Variants in DEPDC5 observed in about 807,000 individuals in gnomAD.
The protein encoded by DEPDC5 is GATOR1 complex protein DEPDC5.
In DEPDC5, 73 loss-of-function variants were observed where a neutral mutation model predicts 217.3. The ratio of observed to expected loss-of-function variants is 0.34; its 90% CI spans 0.28 to 0.41. The LOEUF (loss-of-function observed/expected upper bound fraction) is 0.41. Ranked by LOEUF, DEPDC5 falls within the 10% of genes least tolerant of loss-of-function variation. The pLI is 1.00. For synonymous variants in DEPDC5, 733 were observed against 756.7 expected (o/e 0.97, Z 0.51); for missense variants, 1,675 against 2,070.1 (o/e 0.81, Z 3.70).
Position 31,783,989 on chromosome 22 carries a change from CTG to C in DEPDC5, c.562+8_562+9del, listed in dbSNP as rs754265066. On this transcript the variant is annotated splice_donor_5th_base_variant and intron_variant, in intron 9 of 42. Coordinates refer to ENST00000651528, the MANE Select transcript of DEPDC5 (RefSeq NM_001242896.3). ...ATGTGGGATTTTGATATTTATGGTACTGTGTCTATGTGCTGATTGTAACTGCT... is the reference window on the plus strand; with the variant it reads ...ATGTGGGATTTTGATATTTATGGTACTGTCTATGTGCTGATTGTAACTGCT... 2.5e-4 allele frequency: 408 copies of C among 1,612,902 alleles called. 2 individuals carry two copies. In the South Asian group the frequency reaches 4.3e-3, roughly 17 times the overall value.
intron 38 of DEPDC5, chr22:31,890,232 T>C (rs1432781907): frequency 2.0e-5 from 3 of 152,204 alleles, no homozygotes; most frequent in South Asian, 2.1e-4. Flanking sequence ...CAATGCTCTC[T>C]GAGACATATG....
chr22:31,867,034 G>T (rs536202518), intron 33 of DEPDC5, among the ~76,000 whole-genome samples: 3 of 152,142 alleles, frequency 2.0e-5, no homozygotes, highest in Admixed American at 6.5e-5. Flanking sequence ...TAAAGCGGAG[G>T]GGGGAGTATC....
intron 4 of DEPDC5, among the ~76,000 whole-genome samples, chr22:31,762,505 T>G (rs1601614332): frequency 6.6e-6 from 1 of 152,236 alleles, no homozygotes; most frequent in Non-Finnish European, 1.5e-5. Context: ...GGCTGACGCC[T>G]GTAATCCCAA....
At chr22:31,873,107 A>G (rs1204288272) in intron 34 of DEPDC5, 148 bp from the exon 35 acceptor site, 2 of 1,470,266 alleles carry the variant, frequency 1.4e-6, no homozygotes, top group Non-Finnish European at 1.8e-6. Flanking sequence ...ACCCCCTGAT[A>G]TAGCTGTTTG....
intron 38 of DEPDC5, among the ~76,000 whole-genome samples, chr22:31,889,069 T>C (rs144250035): frequency 1.3e-5 from 2 of 152,250 alleles, no homozygotes; most frequent in African/African-American, 4.8e-5. Flanking sequence ...CTACCTGGGG[T>C]TGCATTTTTC....
intron 39 of DEPDC5, among the ~76,000 whole-genome samples, chr22:31,897,235 G>A (rs1045927283): frequency 3.9e-5 from 6 of 152,204 alleles, no homozygotes; most frequent in Non-Finnish European, 5.9e-5. Context: ...AAGAAACACC[G>A]AAGGTGCAGA....
rs576430926 is a variant in DEPDC5 at position 31,785,276 on chromosome 22, C to T, written c.624+401C>T. On this transcript the variant is annotated intron_variant, in intron 10 of 42. Coordinates refer to ENST00000651528, the MANE Select transcript of DEPDC5 (RefSeq NM_001242896.3). Reference sequence around the variant, plus strand: ...CTATATGTAGAAAATCCTCAAACTCCACAAAGTAAGTATTAGAGCTAATGC... The same window carrying T: ...CTATATGTAGAAAATCCTCAAACTCTACAAAGTAAGTATTAGAGCTAATGC... Among the ~76,000 whole-genome samples, 5 of 149,716 alleles carry T rather than the reference C, an allele frequency of 3.3e-5. No homozygotes were observed. In the South Asian group the frequency reaches 8.7e-4, roughly 26 times the overall value.
intron 2 of DEPDC5, 90 bp downstream of exon 2, chr22:31,755,069 C>T (rs1321454249): frequency 6.8e-7 from 1 of 1,479,130 alleles, no homozygotes; most frequent in Non-Finnish European, 9.4e-7. Flanking sequence ...ACTCGTGTGA[C>T]AATTGAGGCT....
chr22:31,764,960 T>C lies in DEPDC5; in HGVS notation c.194-15T>C, dbSNP rs770023316. The C allele has an allele frequency of 1.2e-6, 2 of 1,604,418 alleles. No individual in the cohort carries two copies. The highest frequency in any genetic ancestry group is 1.1e-5 in the South Asian group (1 of 90,776). On this transcript the variant is annotated splice_polypyrimidine_tract_variant and intron_variant, in intron 4 of 42. Coordinates refer to ENST00000651528, the MANE Select transcript of DEPDC5 (RefSeq NM_001242896.3). ...CAAAATATGTTATCTGAGCCAGATA[T>C]TGTTTCTGTTTTAGAAACTATCAGT...
In DEPDC5 at chr22:31,879,658, G is replaced by T; in HGVS notation, c.3939G>T (p.Leu1313=). Residue 1313 remains leucine, a synonymous_variant, in exon 38 of 43, where the codon CTG becomes CTT. Coordinates refer to ENST00000651528, the MANE Select transcript of DEPDC5 (RefSeq NM_001242896.3). ...ACTCTGAGATTCCTGCCTTTCTCCT[G>T]CCCTGGCTGCCTAGCCGGCCAGCCT... The part of the protein sequence containing the change: ...LVHSEIPAFL[L]PWLPSRPASY... 6.2e-7 allele frequency: 1 copy of T among 1,614,078 alleles called. No individual in the cohort carries two copies. The highest frequency in any genetic ancestry group is 8.5e-7 in the Non-Finnish European group (1 of 1,180,028).
At position 31,773,028 on chromosome 22, in the gene DEPDC5, C is replaced by T. The variant is rs1053501503; in HGVS notation, c.413+4165C>T. ...AACTCCTGGCCTCAAGTGATCTGCACACGTTGGCCTCCAAAAGTGATGAGA... is the reference window on the plus strand; with the variant it reads ...AACTCCTGGCCTCAAGTGATCTGCATACGTTGGCCTCCAAAAGTGATGAGA... On this transcript the variant is annotated intron_variant, in intron 7 of 42. Coordinates refer to ENST00000651528, the MANE Select transcript of DEPDC5 (RefSeq NM_001242896.3). Among the ~76,000 whole-genome samples, 3 of 152,084 alleles carry T rather than the reference C, an allele frequency of 2.0e-5. No homozygotes were observed. The South Asian group carries it at 6.2e-4, about 31-fold the overall frequency.
intron 14 of DEPDC5, among the ~76,000 whole-genome samples, chr22:31,799,799 CTT>C (rs1158355451): frequency 4.1e-5 from 3 of 72,924 alleles, no homozygotes; most frequent in African/African-American, 1.5e-4. Flanking sequence ...CATGCCCGGC[CTT>C]TTTTTTTTTT....
In DEPDC5 at chr22:31,845,089, G is replaced by A. The variant is rs952297636; in HGVS notation, c.2873G>A (p.Arg958His). Residue 958 changes from arginine to histidine, a missense_variant, in exon 30 of 43, where the codon CGC becomes CAC. Physicochemically the swap from Arg to His is conservative, Grantham distance 29. Around this residue, in one of 11 missense-constraint regions of DEPDC5, gnomAD observed 293 missense variants for 386.1 expected, o/e 0.76. Transcript: ENST00000651528. ...LLPACVTATK[R>H]ITEGEAHCDI... ...CCAGCCTGTGTCACCGCCACCAAGC[G>A]CATCACGGAGGGGGAGGCCCACTGC... 8 of 1,614,032 alleles carry A rather than the reference G, an allele frequency of 5.0e-6. No homozygotes were observed. The highest frequency in any genetic ancestry group is 2.2e-5 in the East Asian group (1 of 44,896).
At chr22:31,806,219 G>A in intron 18 of DEPDC5, 28 bp downstream of exon 18, 1 of 1,587,962 alleles carries the variant, frequency 6.3e-7, no homozygotes, top group South Asian at 1.1e-5. Context: ...TTAAGACGGG[G>A]TCTTATTATG....
intron 7 of DEPDC5, among the ~76,000 whole-genome samples, chr22:31,774,622 C>G (rs1400583487): frequency 6.8e-6 from 1 of 147,426 alleles, no homozygotes; most frequent in Non-Finnish European, 1.5e-5. Context: ...GGGCAGATTG[C>G]TTGAGTCTGG....
intron 14 of DEPDC5, among the ~76,000 whole-genome samples, chr22:31,799,923 C>A (rs2086692125): frequency 1.3e-5 from 2 of 150,944 alleles, no homozygotes; most frequent in South Asian, 4.2e-4. Flanking sequence ...CTGCCTCAGC[C>A]TCCCAAGTAG....
chr22:31,899,655 G>A (rs554212221), intron 40 of DEPDC5, among the ~76,000 whole-genome samples: 1 of 152,216 alleles, frequency 6.6e-6, no homozygotes, highest in Non-Finnish European at 1.5e-5. Flanking sequence ...GCTTCCCAAA[G>A]TTCTGGGATT....
chr22:31,852,700 T>C (rs1053605159), intron 31 of DEPDC5, among the ~76,000 whole-genome samples: 10 of 152,234 alleles, frequency 6.6e-5, no homozygotes, highest in African/African-American at 1.9e-4. Flanking sequence ...TATTTCAGAA[T>C]GTACCTCGGA....
intron 39 of DEPDC5, among the ~76,000 whole-genome samples, chr22:31,895,832 TCATCTGGGGAA>T (rs1437273067): frequency 1.3e-5 from 2 of 151,792 alleles, no homozygotes; most frequent in African/African-American, 2.4e-5. Flanking sequence ...GGAAAGACTC[TCATCTGGGGAA>T]CATCCTTAAG....
Sources: gnomAD v4.1 joint callset for allele counts (sites outside exome capture counted in the v4.1 genomes callset) on GRCh38, gnomAD v4.1.1 for gene constraint, gnomAD v4.1.1 regional missense constraint, MANE v1.5 for transcripts, NCBI Gene and HGNC (gene_info 2026-07-23, HGNC 2026-07-21) for gene names.